STK3: variants seen among roughly 807,000 people sequenced by gnomAD.
The protein encoded by STK3 is serine/threonine-protein kinase 3.
Under a neutral mutation model 58.0 loss-of-function variants are expected in STK3, and 41 were observed. The ratio of observed to expected loss-of-function variants is 0.71; its 90% CI spans 0.55 to 0.92. The LOEUF (loss-of-function observed/expected upper bound fraction) is 0.92. Ranked by LOEUF, STK3 falls within the 40% of genes least tolerant of loss-of-function variation. The probability of loss-of-function intolerance (pLI) is 0.00; values close to 1 mark genes in which losing one functional copy is unlikely to be tolerated. For missense variants in STK3, 479 were observed against 602.7 expected (o/e 0.79, Z 2.15); for synonymous variants, 170 against 191.0 (o/e 0.89, Z 0.91).
At chr8:98,373,796 G>A (rs748360795) in intron 2 of STK3, among the ~76,000 whole-genome samples, 2 of 152,166 alleles carry the variant, frequency 1.3e-5, no homozygotes, top group Non-Finnish European at 2.9e-5. Context: ...CCACACAGGA[G>A]TTTTATAGAT....
chr8:98,474,330 C>A (rs571649612), intron 10 of STK3, among the ~76,000 whole-genome samples: 11 of 152,182 alleles, frequency 7.2e-5, no homozygotes, highest in African/African-American at 2.7e-4. Context: ...TCATGTCCTG[C>A]CCCTAAGATA....
At chr8:98,686,225 A>G (rs1454357738) in intron 6 of STK3, among the ~76,000 whole-genome samples, 2 of 152,162 alleles carry the variant, frequency 1.3e-5, no homozygotes, top group African/African-American at 4.8e-5. Flanking sequence ...ACAGAAGGAA[A>G]TAAAGGAAAG....
intron 2 of STK3, among the ~76,000 whole-genome samples, chr8:98,435,636 G>A (rs1214246403): frequency 6.6e-6 from 1 of 152,132 alleles, no homozygotes; most frequent in African/African-American, 2.4e-5. Context: ...GTGACTGGAT[G>A]TGGGATGAGG....
downstream of STK3, among the ~76,000 whole-genome samples, chr8:98,367,607 G>A (rs142373341): frequency 2.1e-3 from 320 of 152,350 alleles, 1 homozygote; most frequent in African/African-American, 6.1e-3. Context: ...GGTACCTGGG[G>A]CTGGAGCGGG....
At chr8:98,357,122 T>A in the STK3 span, among the ~76,000 whole-genome samples, 1 of 152,192 alleles carries the variant, frequency 6.6e-6, no homozygotes, top group South Asian at 2.1e-4. Flanking sequence ...TGCCCTGAGC[T>A]TAAGATGCCA....
At chr8:98,425,991 G>T (rs576148121) in intron 3 of STK3, among the ~76,000 whole-genome samples, 9 of 152,244 alleles carry the variant, frequency 5.9e-5, no homozygotes, top group African/African-American at 2.2e-4. Flanking sequence ...CAGGGACTGG[G>T]TCCATTTCTC....
chr8:98,685,276 G>T (rs933540276), intron 6 of STK3, among the ~76,000 whole-genome samples: 2 of 152,134 alleles, frequency 1.3e-5, no homozygotes, highest in African/African-American at 4.8e-5. Flanking sequence ...TTGTATGTCA[G>T]TAGGAAAATG....
intron 3 of STK3, among the ~76,000 whole-genome samples, chr8:98,757,901 A>T (rs1266897804): frequency 6.6e-6 from 1 of 152,238 alleles, no homozygotes; most frequent in Non-Finnish European, 1.5e-5. Flanking sequence ...CATTATCCTG[A>T]GCAGGATTGT....
rs780448524 is a variant in STK3, at chr8:98,456,013, A to C, written c.1318-13T>G. The C allele has an allele frequency of 2.5e-6, 4 of 1,594,160 alleles. No homozygotes were observed. The highest frequency in any genetic ancestry group is 3.4e-6 in the Non-Finnish European group (4 of 1,169,084). ...TTAGATTTTTCAACTAGATACAGAA[A>C]GAAAGATACCAATACAATGAAATTA... is the stretch of plus-strand genomic sequence containing the variant. On this transcript the variant is annotated splice_polypyrimidine_tract_variant and intron_variant, in intron 10 of 10. Coordinates refer to ENST00000419617, the MANE Select transcript of STK3 (RefSeq NM_006281.4).
intron 10 of STK3, among the ~76,000 whole-genome samples, chr8:98,515,573 T>C (rs1010951942): frequency 1.3e-5 from 2 of 152,132 alleles, no homozygotes; most frequent in Non-Finnish European, 2.9e-5. Context: ...CTGATGGCTT[T>C]ACTTCTGGCT....
chr8:98,437,936 G>C (rs1304828538), intron 1 of STK3: 2 of 152,180 alleles, frequency 1.3e-5, no homozygotes. Context: ...CTCTCTACAT[G>C]CCTGTCCTGG....
chr8:98,560,552 G>GA (rs2131630160), intron 8 of STK3, among the ~76,000 whole-genome samples: 1 of 152,152 alleles, frequency 6.6e-6, no homozygotes, highest in African/African-American at 2.4e-5. Flanking sequence ...AATAAATTGA[G>GA]AAACACCCCA....
At chr8:98,638,984 T>C (rs1399338993) in intron 6 of STK3, among the ~76,000 whole-genome samples, 1 of 152,170 alleles carries the variant, frequency 6.6e-6, no homozygotes, top group Non-Finnish European at 1.5e-5. Context: ...AATGGGCTTA[T>C]GGTCTGAAAT....
At chr8:98,423,519 A>G (rs1818195409) in intron 3 of STK3, among the ~76,000 whole-genome samples, 1 of 152,218 alleles carries the variant, frequency 6.6e-6, no homozygotes. Context: ...TTCTCAGTGC[A>G]ATGGGAAGTC....
chr8:98,855,636 C>G (rs1420538252), intron 3 of STK3, among the ~76,000 whole-genome samples: 2 of 151,994 alleles, frequency 1.3e-5, no homozygotes, highest in Non-Finnish European at 2.9e-5. Flanking sequence ...AAAGCAAGAG[C>G]AACACAAGAA....
chr8:98,473,702 C>G (rs1177657624), intron 10 of STK3, among the ~76,000 whole-genome samples: 1 of 152,048 alleles, frequency 6.6e-6, no homozygotes. Context: ...TTGTCCACAC[C>G]TTTCCTTCTT....
At chr8:98,381,091 C>T (rs1817727141) in intron 1 of STK3, among the ~76,000 whole-genome samples, 1 of 151,028 alleles carries the variant, frequency 6.6e-6, no homozygotes, top group Non-Finnish European at 1.5e-5. Flanking sequence ...TTGCCTAAGC[C>T]TCCTGAGTAG....
the STK3 span, among the ~76,000 whole-genome samples, chr8:98,352,136 C>CAAAAAAAAAAAAA: frequency 9.1e-6 from 1 of 110,456 alleles, no homozygotes; most frequent in Non-Finnish European, 1.8e-5. Flanking sequence ...GACTCTGTCT[C>CAAAAAAAAAAAAA]AAAAAAAAAA....
intron 6 of STK3, among the ~76,000 whole-genome samples, chr8:98,704,788 G>A (rs1156622027): frequency 6.6e-6 from 1 of 152,058 alleles, no homozygotes; most frequent in Non-Finnish European, 1.5e-5. Context: ...CTATTTGGTT[G>A]GAAAAATAAG....
Sources: allele counts gnomAD v4.1 joint callset (sites outside exome capture counted in the v4.1 genomes callset), GRCh38; gene constraint gnomAD v4.1.1; transcripts MANE v1.5; gene names NCBI Gene and HGNC (gene_info 2026-07-23, HGNC 2026-07-21).